Variants in AP2A1 observed in about 807,000 individuals in gnomAD.
AP2A1 encodes AP-2 complex subunit alpha-1.
Under a neutral mutation model 107.3 loss-of-function variants are expected in AP2A1, and 21 were observed. The ratio of observed to expected loss-of-function variants is 0.20; its 90% confidence interval spans 0.14 to 0.28. The LOEUF (loss-of-function observed/expected upper bound fraction) is 0.28. Among genes scored for constraint, AP2A1 ranks in the 10% least tolerant of loss-of-function variants. The probability of loss-of-function intolerance (pLI) is 1.00; values close to 1 mark genes in which losing one functional copy is unlikely to be tolerated. For missense variants in AP2A1, 873 were observed against 1,307.7 expected, an observed-to-expected ratio of 0.67 and a Z score of 5.13; for synonymous variants, 602 against 564.8, an observed-to-expected ratio of 1.07 and a Z score of -0.93.
intron 4 of AP2A1, among the ~76,000 whole-genome samples, chr19:49,784,096 A>T (rs2084709332): frequency 6.6e-6 from 1 of 152,228 alleles, no homozygotes; most frequent in Non-Finnish European, 1.5e-5. Flanking sequence ...AAATCTCTAA[A>T]CACATGACAC....
At chr19:49,789,232 G>T (rs2073112191) in intron 4 of AP2A1, among the ~76,000 whole-genome samples, 1 of 152,172 alleles carries the variant, frequency 6.6e-6, no homozygotes, top group African/African-American at 2.4e-5. Context: ...GGCTGGGCCA[G>T]TCTTGACAGC....
At chr19:49,787,702 CT>C (rs2073091082) in intron 4 of AP2A1, among the ~76,000 whole-genome samples, 1 of 151,952 alleles carries the variant, frequency 6.6e-6, no homozygotes, top group Non-Finnish European at 1.5e-5. Context: ...ATTGATGATG[CT>C]GTGCAACAAC....
intron 12 of AP2A1, 72 bp from the exon 13 acceptor site, chr19:49,801,318 G>A (rs2073276103): frequency 6.9e-7 from 1 of 1,458,590 alleles, no homozygotes; most frequent in African/African-American, 1.4e-5. Flanking sequence ...CCTAGGGAGG[G>A]GCACCTCTCG....
At position 49,801,719 on chromosome 19, in the gene AP2A1, C is replaced by T. The variant is rs1810391015; in HGVS notation, c.1786-3C>T. On this transcript the variant is annotated splice_region_variant and splice_polypyrimidine_tract_variant and intron_variant, in intron 13 of 22. Transcript: ENST00000354293. ...CTGACCTTCCCCACCCCGACCGCGC[C>T]AGGCCACGGTGCTGGAGGAGATGCC... The T allele has an allele frequency of 1.3e-5, 20 of 1,557,914 alleles. No individual in the cohort carries two copies. The highest frequency in any genetic ancestry group is 1.7e-5 in the Non-Finnish European group (20 of 1,152,402).
At chr19:49,794,963 A>T (rs761675902) in intron 6 of AP2A1, among the ~76,000 whole-genome samples, 1 of 152,182 alleles carries the variant, frequency 6.6e-6, no homozygotes, top group Non-Finnish European at 1.5e-5. Flanking sequence ...GCACCTGGCC[A>T]TGATCTTTCA....
intron 1 of AP2A1, among the ~76,000 whole-genome samples, chr19:49,768,085 T>C (rs886950653): frequency 6.6e-6 from 1 of 151,682 alleles, no homozygotes. Context: ...GCTTGAGGGG[T>C]AGATATCTGG....
chr19:49,806,497 T>A (rs1376953113), intron 22 of AP2A1, 184 bp from the exon 23 acceptor site: 1 of 1,446,134 alleles, frequency 6.9e-7, no homozygotes, highest in Non-Finnish European at 9.1e-7. Flanking sequence ...TCCACCTTTC[T>A]CTCATCTTTT....
chr19:49,806,101 C>A lies in AP2A1; in HGVS notation c.2656-18C>A. The A allele has an allele frequency of 6.4e-7, 1 of 1,567,744 alleles. No individual in the cohort carries two copies. Among genetic ancestry groups the A allele is most frequent in the East Asian group, 2.4e-5 (1 of 42,122 alleles). On this transcript the variant is annotated intron_variant, in intron 21 of 22. Coordinates refer to ENST00000354293, the MANE Select transcript of AP2A1 (RefSeq NM_130787.3). ...TAACAGCTCTGGCACACTCTGACGG[C>A]GCCCCCCCTCCTCCCAGCTTCTGGG... is the stretch of plus-strand genomic sequence containing the variant.
Position 49,801,395 on chromosome 19 carries a change from C to T in AP2A1, c.1559C>T (p.Pro520Leu). Residue 520 changes from proline to leucine, a missense_variant, in exon 13 of 23, where the codon CCA becomes CTA. Physicochemically the swap from Pro to Leu is moderately conservative, Grantham distance 98 (BLOSUM62 -3). This residue lies in a region of AP2A1 where 213 missense variants were observed against 443.5 expected (regional missense o/e 0.48). Coordinates refer to ENST00000354293, the MANE Select transcript of AP2A1 (RefSeq NM_130787.3). ...ACACCCACTCCTGCACACAGCCCCC[C>T]AGTGCAGTTCTCCCTGCTCCACTCC... Reference protein sequence around the residue: ...LIAGDPRSSPPVQFSLLHSKF... With the variant: ...LIAGDPRSSPLVQFSLLHSKF... 6.2e-7 allele frequency: 1 copy of T among 1,613,204 alleles called. No individual in the cohort carries two copies. Among genetic ancestry groups the T allele is most frequent in the Non-Finnish European group, 8.5e-7 (1 of 1,179,672 alleles).
At position 49,801,394 on chromosome 19, in the gene AP2A1, C is replaced by A; in HGVS notation, c.1558C>A (p.Pro520Thr). Residue 520 changes from proline (P) to threonine (T), a missense_variant, in exon 13 of 23, where the codon CCA (proline) becomes ACA (threonine). Pro to Thr is a conservative substitution (Grantham distance 38). Transcript: ENST00000354293. The part of the protein sequence containing the change: ...LIAGDPRSSP[P>T]VQFSLLHSKF... ...GACACCCACTCCTGCACACAGCCCC[C>A]CAGTGCAGTTCTCCCTGCTCCACTC... is the stretch of plus-strand genomic sequence containing the variant. 6.2e-7 allele frequency: 1 copy of A among 1,613,148 alleles called. No individual in the cohort carries two copies. The highest frequency in any genetic ancestry group is 8.5e-7 in the Non-Finnish European group (1 of 1,179,664).
rs1035864362 is a variant in AP2A1, at chr19:49,801,998, C to T, written c.1971C>T (p.Ser657=). ...TCCTACAGTCGACGCCCTCGCCCTC[C>T]GCCGACCTCCTGGGGCTGCGGGCAG... ...TPSTVSTPSP[S]ADLLGLRAAP... The change falls in exon 15 of 23, where the codon TCC becomes TCT. Residue 657 remains serine, a synonymous_variant. Transcript: ENST00000354293. 2.0e-6 allele frequency: 3 copies of T among 1,529,666 alleles called. No individual in the cohort carries two copies. The highest frequency in any genetic ancestry group is 2.6e-6 in the Non-Finnish European group (3 of 1,143,288). The allele number at this position is 1,529,666 out of a possible 1,614,324, so 94.8% of individuals were successfully genotyped here.
chr19:49,802,769 G>C lies in AP2A1; in HGVS notation c.2115-180G>C, dbSNP rs773608721. ...TGCCGATGCGGGGGCACGGGCCAGG[G>C]TTCTATTCCCATTGGAGGCCACTGC... is the stretch of plus-strand genomic sequence containing the variant. On this transcript the variant is annotated intron_variant, in intron 15 of 22. Transcript: ENST00000354293. 3.9e-6 allele frequency: 4 copies of C among 1,013,586 alleles called. No individual in the cohort carries two copies. In the African/African-American group the frequency reaches 6.5e-5, roughly 16 times the overall value. The allele number at this position is 1,013,586 out of a possible 1,614,324, so 62.8% of individuals were successfully genotyped here.
intron 4 of AP2A1, among the ~76,000 whole-genome samples, chr19:49,790,432 C>CT (rs895992728): frequency 1.3e-5 from 2 of 152,204 alleles, no homozygotes; most frequent in African/African-American, 2.4e-5. Context: ...TACCCCCACC[C>CT]TTTTTTTTGT....
At chr19:49,777,076 GA>G (rs563994455) in intron 1 of AP2A1, among the ~76,000 whole-genome samples, 76 of 138,916 alleles carry the variant, frequency 5.5e-4, no homozygotes, top group South Asian at 1.1e-3. Context: ...TAAAAATGCG[GA>G]AAAAAAAAAA....
At position 49,802,725 on chromosome 19, in the gene AP2A1, G is replaced by A. The variant is rs536639269; in HGVS notation, c.2115-224G>A. ...GAGCAGCAGAGGCAGGGACTTGGAG[G>A]AAAGGGAAACTTGGTGTCTGCCGAT... On this transcript the variant is annotated intron_variant, in intron 15 of 22. Transcript: ENST00000354293. The A allele has an allele frequency of 7.6e-5, 86 of 1,137,430 alleles. No individual in the cohort carries two copies. In the South Asian group the frequency reaches 1.0e-3, roughly 14 times the overall value. 70.5% of individuals were successfully genotyped at this position (1,137,430 alleles called of 1,614,324 possible).
intron 3 of AP2A1, 46 bp downstream of exon 3, chr19:49,782,135 CGGGGGAGGG>C (rs2084683596): frequency 4.9e-6 from 1 of 202,830 alleles, no homozygotes. Flanking sequence ...CCTGGGTCTG[CGGGGGAGGG>C]GGCTGGAGGT....
chr19:49,783,922 A>G (rs114199472), intron 4 of AP2A1, among the ~76,000 whole-genome samples: 312 of 152,364 alleles, frequency 2.0e-3, no homozygotes, highest in African/African-American at 6.9e-3. Context: ...TGGGTAGTCC[A>G]AAAGCCCCTA....
intron 7 of AP2A1, among the ~76,000 whole-genome samples, chr19:49,798,321 G>A (rs935096127): frequency 6.6e-6 from 1 of 152,192 alleles, no homozygotes; most frequent in Non-Finnish European, 1.5e-5. Context: ...GGATGGCACC[G>A]AGTGTGCCTG....
intron 4 of AP2A1, among the ~76,000 whole-genome samples, chr19:49,787,356 T>TTTTTTTTTG (rs1568579543): frequency 7.9e-6 from 1 of 126,622 alleles, no homozygotes; most frequent in East Asian, 2.6e-4. Context: ...TGTTTTTTGT[T>TTTTTTTTTG]TTTTTTTTTT....
Sources: allele counts gnomAD v4.1 joint callset (sites outside exome capture counted in the v4.1 genomes callset), GRCh38; gene constraint gnomAD v4.1.1; regional missense constraint gnomAD v4.1.1; transcripts MANE v1.5; gene names NCBI Gene and HGNC (gene_info 2026-07-23, HGNC 2026-07-21).